Variants in SCAPER observed in about 807,000 individuals in gnomAD.
SCAPER encodes S phase cyclin A-associated protein in the endoplasmic reticulum.
In SCAPER, 98 loss-of-function variants were observed where a neutral mutation model predicts 182.2. That is an observed-to-expected ratio of 0.54 (90% CI 0.46 to 0.64). The LOEUF (loss-of-function observed/expected upper bound fraction) is 0.64. SCAPER is among the 30% of genes least tolerant of loss of function. The pLI is 0.00. For synonymous variants in SCAPER, 605 were observed against 564.6 expected (o/e 1.07, Z -1.01); for missense variants, 1,432 against 1,690.0 (o/e 0.85, Z 2.68).
intron 7 of SCAPER, among the ~76,000 whole-genome samples, chr15:76,798,831 G>A (rs1416172993): frequency 6.6e-6 from 1 of 151,912 alleles, no homozygotes; most frequent in Non-Finnish European, 1.5e-5. Context: ...GATAAATTAA[G>A]ACAAACACCG....
intron 27 of SCAPER, among the ~76,000 whole-genome samples, chr15:76,386,774 G>C (rs1037980946): frequency 6.6e-6 from 1 of 152,210 alleles, no homozygotes; most frequent in African/African-American, 2.4e-5. Flanking sequence ...TGGCTAGAGC[G>C]GGTTGAGTAA....
Position 76,802,992 on chromosome 15 carries a change from A to G in SCAPER, c.494+1541T>C, listed in dbSNP as rs1177031008. On this transcript the variant is annotated intron_variant, in intron 6 of 31. Transcript: ENST00000563290. The stretch of plus-strand genomic sequence containing the variant: ...CTACTGTTACTACCTTAATCTGAGT[A>G]GCCATCATCTCTAAACTACATTGCT... Among the ~76,000 whole-genome samples, 2 of 152,198 alleles carry G rather than the reference A, an allele frequency of 1.3e-5. 1 individual carries two copies.
intron 23 of SCAPER, among the ~76,000 whole-genome samples, chr15:76,510,693 C>T (rs1422651072): frequency 6.6e-6 from 1 of 152,134 alleles, no homozygotes. Flanking sequence ...GTAGAAGTAC[C>T]ATTTGATCCA....
chr15:76,539,355 C>T (rs2044511457), intron 23 of SCAPER, among the ~76,000 whole-genome samples: 1 of 152,082 alleles, frequency 6.6e-6, no homozygotes, highest in Admixed American at 6.6e-5. Context: ...AAAGAAAAGC[C>T]TGGCTCCTAC....
At chr15:76,356,948 T>C (rs1184405946) in intron 29 of SCAPER, among the ~76,000 whole-genome samples, 1 of 152,134 alleles carries the variant, frequency 6.6e-6, no homozygotes, top group Non-Finnish European at 1.5e-5. Context: ...ATCAACGGAA[T>C]TTCCAACAAC....
intron 24 of SCAPER, among the ~76,000 whole-genome samples, chr15:76,472,758 T>G (rs2050289820): frequency 6.6e-6 from 1 of 152,186 alleles, no homozygotes; most frequent in African/African-American, 2.4e-5. Context: ...TGGATTGATG[T>G]GGGGAAAACA....
chr15:76,560,159 T>A (rs1302761172), intron 23 of SCAPER, among the ~76,000 whole-genome samples: 1 of 152,102 alleles, frequency 6.6e-6, no homozygotes, highest in Non-Finnish European at 1.5e-5. Flanking sequence ...TGTGATAGCA[T>A]TGGGTGTGGG....
chr15:76,376,014 G>A (rs1238458805), intron 29 of SCAPER, 148 bp downstream of exon 29: 2 of 876,638 alleles, frequency 2.3e-6, no homozygotes, highest in East Asian at 2.8e-5. Flanking sequence ...TTGAAGAGAA[G>A]GAGCTAGAGG....
intron 2 of SCAPER, among the ~76,000 whole-genome samples, chr15:76,876,015 C>T (rs965907301): frequency 1.1e-4 from 16 of 152,208 alleles, no homozygotes; most frequent in Admixed American, 7.2e-4. Context: ...TCGAGCGCAG[C>T]GCCAGTCGGC....
chr15:76,637,633 T>G (rs530004593), intron 21 of SCAPER, among the ~76,000 whole-genome samples: 1 of 151,510 alleles, frequency 6.6e-6, no homozygotes, highest in Non-Finnish European at 1.5e-5. Context: ...TTAAGCCAAG[T>G]TGTTCAAGAT....
At chr15:76,583,805 T>C (rs1044113060) in intron 22 of SCAPER, among the ~76,000 whole-genome samples, 1 of 152,200 alleles carries the variant, frequency 6.6e-6, no homozygotes, top group African/African-American at 2.4e-5. Context: ...GAAACCCTCA[T>C]GCACTGTTGG....
chr15:76,871,545 G>A (rs2072733004), intron 2 of SCAPER, among the ~76,000 whole-genome samples: 1 of 151,124 alleles, frequency 6.6e-6, no homozygotes, highest in South Asian at 2.1e-4. Flanking sequence ...CCAAGGAGCT[G>A]CGGCTGGCGT....
At chr15:76,710,592 G>A (rs1462815206) in intron 17 of SCAPER, among the ~76,000 whole-genome samples, 1 of 151,942 alleles carries the variant, frequency 6.6e-6, no homozygotes, top group African/African-American at 2.4e-5. Flanking sequence ...AGACCTATAC[G>A]CAAAAAACTA....
At chr15:76,814,605 AT>A (rs1298058402) in intron 5 of SCAPER, among the ~76,000 whole-genome samples, 2 of 152,202 alleles carry the variant, frequency 1.3e-5, no homozygotes, top group Admixed American at 1.3e-4. Flanking sequence ...ATACGCAAAA[AT>A]AAACTCAAAA....
chr15:76,627,229 A>T (rs1469005031), intron 21 of SCAPER, among the ~76,000 whole-genome samples: 1 of 62,682 alleles, frequency 1.6e-5, no homozygotes, highest in Non-Finnish European at 4.0e-5. Flanking sequence ...TTGTTTTATT[A>T]AAAAAAGAGG....
At chr15:76,632,317 G>A (rs1312377436) in intron 21 of SCAPER, among the ~76,000 whole-genome samples, 1 of 151,990 alleles carries the variant, frequency 6.6e-6, no homozygotes, top group African/African-American at 2.4e-5. Context: ...AGCCTCCTGA[G>A]CAGCTGGGAC....
chr15:76,497,391 A>G (rs961529512), intron 24 of SCAPER, among the ~76,000 whole-genome samples: 1 of 152,116 alleles, frequency 6.6e-6, no homozygotes, highest in African/African-American at 2.4e-5. Context: ...TTTAGAGTTT[A>G]GTCAGCTATG....
rs376651567 is a variant in SCAPER at position 76,584,239 on chromosome 15, T to TA, written c.2712-9956dup. On this transcript the variant is annotated intron_variant, in intron 22 of 31. Transcript: ENST00000563290. ...ATTAAAACAACTGAATTCATGGAGA[T>TA]AGAGAGTAGATCGATGGTTACCAGA... Among the ~76,000 whole-genome samples the TA allele has an allele frequency of 2.4e-3, 365 of 150,418 alleles. 2 individuals carry two copies. Among genetic ancestry groups the TA allele is most frequent in the African/African-American group, 8.7e-3 (347 of 39,850 alleles).
chr15:76,547,314 C>T (rs1255930446), intron 23 of SCAPER, among the ~76,000 whole-genome samples: 1 of 152,096 alleles, frequency 6.6e-6, no homozygotes, highest in African/African-American at 2.4e-5. Context: ...TATTTATTAG[C>T]CACGTGGATT....
Sources: gnomAD v4.1 joint callset for allele counts (sites outside exome capture counted in the v4.1 genomes callset) on GRCh38, gnomAD v4.1.1 for gene constraint, MANE v1.5 for transcripts, NCBI Gene and HGNC (gene_info 2026-07-23, HGNC 2026-07-21) for gene names.